WDR7: variants seen among roughly 807,000 people sequenced by gnomAD.
WDR7 encodes WD repeat-containing protein 7.
Under a neutral mutation model 169.4 loss-of-function variants are expected in WDR7, and 46 were observed. That is an observed-to-expected ratio of 0.27 (90% CI 0.21 to 0.35). The LOEUF (loss-of-function observed/expected upper bound fraction) is 0.35, where lower values mean the gene tolerates loss of function less well. WDR7 is among the 10% of genes least tolerant of loss of function. WDR7 has a pLI of 1.00. For synonymous variants in WDR7, 612 were observed against 666.8 expected (o/e 0.92, Z 1.27); for missense variants, 1,534 against 1,859.3 (o/e 0.83, Z 3.22).
chr18:56,773,906 T>C (rs1350845271), intron 16 of WDR7, among the ~76,000 whole-genome samples: 1 of 152,114 alleles, frequency 6.6e-6, no homozygotes, highest in Non-Finnish European at 1.5e-5. Flanking sequence ...CTCTTCCTTC[T>C]TCTCTCCCCT....
intron 14 of WDR7, among the ~76,000 whole-genome samples, chr18:56,744,132 G>A (rs939705600): frequency 2.6e-5 from 4 of 151,402 alleles, no homozygotes; most frequent in Non-Finnish European, 4.4e-5. Flanking sequence ...CCAGCTACTC[G>A]GGAGGCTGAG....
intron 26 of WDR7, among the ~76,000 whole-genome samples, chr18:56,993,392 G>A (rs1039204423): frequency 6.6e-6 from 1 of 152,142 alleles, no homozygotes; most frequent in Non-Finnish European, 1.5e-5. Flanking sequence ...CTTTTGGAAT[G>A]ATGCCATCTG....
At chr18:56,779,389 C>G in intron 17 of WDR7, 42 bp from the exon 18 acceptor site, 1 of 1,511,588 alleles carries the variant, frequency 6.6e-7, no homozygotes, top group African/African-American at 1.4e-5. Flanking sequence ...TAGGGAATGC[C>G]AAAATGGTTA....
intron 21 of WDR7, among the ~76,000 whole-genome samples, chr18:56,920,385 G>C (rs1040128502): frequency 3.3e-5 from 5 of 152,184 alleles, no homozygotes; most frequent in African/African-American, 9.7e-5. Context: ...CAGATTGCCT[G>C]TTTGCTCCTG....
At chr18:56,801,858 G>A (rs977128214) in intron 19 of WDR7, among the ~76,000 whole-genome samples, 2 of 152,150 alleles carry the variant, frequency 1.3e-5, no homozygotes, top group African/African-American at 4.8e-5. Flanking sequence ...CCTGTTTAGG[G>A]ACATCTGGGT....
At chr18:56,944,637 G>A (rs1163570969) in intron 25 of WDR7, among the ~76,000 whole-genome samples, 1 of 152,018 alleles carries the variant, frequency 6.6e-6, no homozygotes, top group Non-Finnish European at 1.5e-5. Context: ...TCATATAATA[G>A]CTTTTCTATC....
At chr18:56,900,290 T>C (rs1324685465) in intron 21 of WDR7, among the ~76,000 whole-genome samples, 2 of 152,002 alleles carry the variant, frequency 1.3e-5, no homozygotes, top group East Asian at 3.9e-4. Context: ...TAGAATACTA[T>C]TAAAGCTATG....
intron 26 of WDR7, among the ~76,000 whole-genome samples, chr18:56,965,115 G>C (rs893934346): frequency 4.6e-5 from 7 of 152,096 alleles, no homozygotes; most frequent in African/African-American, 1.7e-4. Flanking sequence ...CAGAGGGTGT[G>C]GGACAATTTT....
chr18:56,917,894 A>C (rs1238751285), intron 21 of WDR7, among the ~76,000 whole-genome samples: 1 of 152,240 alleles, frequency 6.6e-6, no homozygotes, highest in Non-Finnish European at 1.5e-5. Flanking sequence ...ACTCTTAAGA[A>C]ATGTAAAAAT....
chr18:56,870,100 C>G (rs899844059), intron 20 of WDR7, among the ~76,000 whole-genome samples: 2 of 152,100 alleles, frequency 1.3e-5, no homozygotes, highest in Non-Finnish European at 2.9e-5. Flanking sequence ...AAGTATTTGA[C>G]TTCAAAGACT....
At chr18:56,826,311 A>G (rs867123174) in intron 20 of WDR7, among the ~76,000 whole-genome samples, 1 of 107,846 alleles carries the variant, frequency 9.3e-6, no homozygotes. Flanking sequence ...CACAGACTCT[A>G]TGTCATACCT....
intron 20 of WDR7, among the ~76,000 whole-genome samples, chr18:56,840,648 C>A (rs1378005530): frequency 6.6e-6 from 1 of 151,806 alleles, no homozygotes; most frequent in East Asian, 1.9e-4. Context: ...TGGCAAAACC[C>A]TATCTCTACA....
chr18:56,857,815 C>T (rs1477564074), intron 20 of WDR7, among the ~76,000 whole-genome samples: 3 of 152,078 alleles, frequency 2.0e-5, no homozygotes, highest in Non-Finnish European at 4.4e-5. Context: ...CCCAGAGGAC[C>T]GCCAGCTAGC....
At chr18:56,947,875 G>A (rs1465488565) in intron 25 of WDR7, among the ~76,000 whole-genome samples, 1 of 152,222 alleles carries the variant, frequency 6.6e-6, no homozygotes, top group Non-Finnish European at 1.5e-5. Flanking sequence ...CTTTACTAAT[G>A]TCAGAATAGA....
the WDR7 span, chr18:57,034,934 A>G: frequency 6.6e-6 from 1 of 152,066 alleles, no homozygotes; most frequent in East Asian, 1.9e-4. Flanking sequence ...ACCTCTAAAA[A>G]TCTTCTGCCC....
At chr18:56,748,062 ATT>A (rs2043732884) in intron 14 of WDR7, among the ~76,000 whole-genome samples, 1 of 152,004 alleles carries the variant, frequency 6.6e-6, no homozygotes, top group Non-Finnish European at 1.5e-5. Flanking sequence ...GGACTTTTGC[ATT>A]TTCTTTCCTT....
intron 20 of WDR7, 46 bp from the exon 21 acceptor site, chr18:56,879,898 G>C: frequency 6.8e-7 from 1 of 1,463,690 alleles, no homozygotes; most frequent in Non-Finnish European, 9.5e-7. Flanking sequence ...GTGTCTTTTT[G>C]TATATTGATT....
At chr18:56,661,803 A>G (rs972510054) in intron 1 of WDR7, among the ~76,000 whole-genome samples, 1 of 152,194 alleles carries the variant, frequency 6.6e-6, no homozygotes, top group African/African-American at 2.4e-5. Context: ...TCATAGTAGT[A>G]TAATAAACAG....
At chr18:56,957,664 T>C (rs1157379489) in intron 25 of WDR7, among the ~76,000 whole-genome samples, 2 of 152,192 alleles carry the variant, frequency 1.3e-5, no homozygotes, top group African/African-American at 4.8e-5. Context: ...CAGTGCCTGA[T>C]ACATAATACT....
Sources: allele counts gnomAD v4.1 joint callset (sites outside exome capture counted in the v4.1 genomes callset), GRCh38; gene constraint gnomAD v4.1.1; transcripts MANE v1.5; gene names NCBI Gene and HGNC (gene_info 2026-07-23, HGNC 2026-07-21).